RHD: variants seen among roughly 807,000 people sequenced by gnomAD.
RHD encodes blood group Rh(D) polypeptide.
A neutral mutation model predicts 45.5 loss-of-function variants in RHD; 16 were observed. That is an observed-to-expected ratio of 0.35 (90% CI 0.24 to 0.53). The LOEUF is 0.53. Ranked by LOEUF, RHD falls within the 20% of genes least tolerant of loss-of-function variation. The pLI is 0.92. For missense variants in RHD, 306 were observed against 532.0 expected (o/e 0.58, Z 4.18); for synonymous variants, 131 against 217.5 (o/e 0.60, Z 3.50).
chr1:25,307,706 G>A lies in RHD; in HGVS notation c.1073+977G>A, dbSNP rs549377943. 2.4e-5 allele frequency: 31 copies of A among 1,308,348 alleles called. 6 individuals are homozygous for A. The highest frequency in any genetic ancestry group is 1.5e-4 in the East Asian group (6 of 40,694). The allele number at this position is 1,308,348 out of a possible 1,614,324, so 81.0% of individuals were successfully genotyped here. A position where few individuals can be genotyped will look rare whatever the true frequency, so the allele number is the denominator to read the frequency against. On this transcript the variant is annotated intron_variant, in intron 7 of 9. Coordinates refer to ENST00000328664, the MANE Select transcript of RHD (RefSeq NM_016124.6). The stretch of plus-strand genomic sequence containing the variant: ...GAAGCAGGTGATGAGGAGCTGATGC[G>A]TTTGGACGTGTCTCAGAGAAATCAT...
intron 7 of RHD, among the ~76,000 whole-genome samples, chr1:25,312,944 A>AC (rs1644237195): frequency 2.7e-5 from 3 of 110,032 alleles, no homozygotes; most frequent in Non-Finnish European, 4.4e-5. Context: ...AAAAAAAAAA[A>AC]AAAAAAAAAA....
Position 25,328,944 on chromosome 1 carries a change from A to T in RHD, c.*20A>T. The T allele has an allele frequency of 7.6e-7, 1 of 1,321,890 alleles. No individual in the cohort carries two copies. The highest frequency in any genetic ancestry group is 1.1e-6 in the Non-Finnish European group (1 of 934,182). 81.9% of individuals were successfully genotyped at this position (1,321,890 alleles called of 1,614,324 possible). A position where few individuals can be genotyped will look rare whatever the true frequency, so the allele number is the denominator to read the frequency against. On this transcript the variant is annotated 3_prime_UTR_variant, in exon 10 of 10. Coordinates refer to ENST00000328664, the MANE Select transcript of RHD (RefSeq NM_016124.6). ...TTTTAAGCAAAAGCATCCAAGAAAA[A>T]CAAGGCCTGTTCAAAAACAAGACAA...
rs180842004 is a variant in RHD at position 25,275,269 on chromosome 1, C to T, written c.148+2574C>T. Among the ~76,000 whole-genome samples, 71 of 132,320 alleles carry T rather than the reference C, an allele frequency of 5.4e-4. 9 individuals are homozygous for T. Among genetic ancestry groups the T allele is most frequent in the African/African-American group, 1.8e-3 (70 of 38,874 alleles). The allele number at this position is 132,320 out of a possible 152,430, so 86.8% of individuals were successfully genotyped here. ...TGCCACTGCACTCCACCCTGGGTGA[C>T]AGAGTGGGACTCTGTCTGAAAAAAA... On this transcript the variant is annotated intron_variant, in intron 1 of 9. Transcript: ENST00000328664.
chr1:25,299,072 TAAA>T (rs34867414), intron 3 of RHD, among the ~76,000 whole-genome samples: 1 of 40,876 alleles, frequency 2.4e-5, no homozygotes, highest in African/African-American at 7.8e-5. Flanking sequence ...CACATGGTGA[TAAA>T]AAAAAAAAAA....
chr1:25,307,019 G>A, intron 7 of RHD: 3 of 372,608 alleles, frequency 8.1e-6, no homozygotes, highest in Non-Finnish European at 5.5e-6. Flanking sequence ...ATAGGCCCAA[G>A]CCAATTGAGA....
At chr1:25,274,727 C>A (rs1380797838) in intron 1 of RHD, among the ~76,000 whole-genome samples, 1 of 133,912 alleles carries the variant, frequency 7.5e-6, no homozygotes, top group Non-Finnish European at 1.8e-5. Flanking sequence ...AAACAAAGGG[C>A]CGGGCGACGT....
chr1:25,301,632 G>A lies in RHD; in HGVS notation c.747G>A (p.Val249=). 2 of 1,380,448 alleles carry A rather than the reference G, an allele frequency of 1.4e-6. No homozygotes were observed. Among genetic ancestry groups the A allele is most frequent in the African/African-American group, 1.4e-5 (1 of 70,778 alleles). The allele number at this position is 1,380,448 out of a possible 1,614,324, so 85.5% of individuals were successfully genotyped here. ...FNTYYAVAVS[V]VTAISGSSLA... ...CCTACTATGCTGTAGCAGTCAGCGTGGTGACAGCCATCTCAGGGTCATCCT... is the reference window on the plus strand; with the variant it reads ...CCTACTATGCTGTAGCAGTCAGCGTAGTGACAGCCATCTCAGGGTCATCCT... Residue 249 remains valine, a synonymous_variant, in exon 5 of 10, where the codon GTG becomes GTA. Transcript: ENST00000328664.
chr1:25,299,521 T>TA (rs1643218418), intron 3 of RHD, among the ~76,000 whole-genome samples: 1 of 131,650 alleles, frequency 7.6e-6, no homozygotes, highest in Middle Eastern at 3.7e-3. Context: ...CTGCCCTTGT[T>TA]ACACCCTGGC....
rs1571773957 is a variant in RHD at position 25,329,016 on chromosome 1, C to T, written c.*92C>T. ...ATTTGTACGTGAGAAACGCTCATGACAGCAAAGTCTCCAATGTTCGCGCAG... is the reference window on the plus strand; with the variant it reads ...ATTTGTACGTGAGAAACGCTCATGATAGCAAAGTCTCCAATGTTCGCGCAG... On this transcript the variant is annotated 3_prime_UTR_variant, in exon 10 of 10. Coordinates refer to ENST00000328664, the MANE Select transcript of RHD (RefSeq NM_016124.6). 1 of 1,377,786 alleles carries T rather than the reference C, an allele frequency of 7.3e-7. No homozygotes were observed. The highest frequency in any genetic ancestry group is 2.2e-5 in the East Asian group (1 of 44,588). The allele number at this position is 1,377,786 out of a possible 1,614,324, so 85.3% of individuals were successfully genotyped here.
chr1:25,324,761 C>T (rs1425290307), intron 9 of RHD, among the ~76,000 whole-genome samples: 1 of 149,102 alleles, frequency 6.7e-6, no homozygotes, highest in Non-Finnish European at 1.5e-5. Flanking sequence ...GTAAGTATGT[C>T]GCCCAGGTGC....
intron 3 of RHD, among the ~76,000 whole-genome samples, chr1:25,298,166 C>T (rs1643100576): frequency 8.8e-6 from 1 of 113,098 alleles, no homozygotes; most frequent in South Asian, 3.1e-4. Flanking sequence ...GGTCATTTTT[C>T]CACTCTGGTC....
chr1:25,275,085 T>C lies in RHD; in HGVS notation c.148+2390T>C, dbSNP rs750818201. ...CAGGCAGATCACCTGAGGTCAGGAG[T>C]TCGAGACCAGCCTGGCCAACATGGT... On this transcript the variant is annotated intron_variant, in intron 1 of 9. Coordinates refer to ENST00000328664, the MANE Select transcript of RHD (RefSeq NM_016124.6). Among the ~76,000 whole-genome samples, 5 of 130,872 alleles carry C rather than the reference T, an allele frequency of 3.8e-5. 1 individual carries two copies. The highest frequency in any genetic ancestry group is 9.0e-5 in the Non-Finnish European group (5 of 55,260). The allele number at this position is 130,872 out of a possible 152,430, so 85.9% of individuals were successfully genotyped here. A position where few individuals can be genotyped will look rare whatever the true frequency, so the allele number is the denominator to read the frequency against.
chr1:25,311,598 G>T (rs1265344310), intron 7 of RHD, among the ~76,000 whole-genome samples: 3 of 130,098 alleles, frequency 2.3e-5, no homozygotes, highest in African/African-American at 7.9e-5. Context: ...TCAGGACAAG[G>T]GAGAAAAACT....
In RHD at chr1:25,311,155, CAGAT is replaced by C. The variant is rs1440749005; in HGVS notation, c.1073+4430_1073+4433del. On this transcript the variant is annotated intron_variant, in intron 7 of 9. Coordinates refer to ENST00000328664, the MANE Select transcript of RHD (RefSeq NM_016124.6). ...GGTAAAGGCCATTCTGATGAGGTCTCAGATAGAACTGAAGAACCACGTGTTGGAA... is the reference window on the plus strand; with the variant it reads ...GGTAAAGGCCATTCTGATGAGGTCTCAGAACTGAAGAACCACGTGTTGGAA... Among the ~76,000 whole-genome samples the C allele has an allele frequency of 9.1e-5, 12 of 131,788 alleles. No homozygotes were observed. In the East Asian group the frequency reaches 2.3e-3, roughly 26 times the overall value. 86.5% of individuals were successfully genotyped at this position (131,788 alleles called of 152,430 possible).
intron 3 of RHD, among the ~76,000 whole-genome samples, chr1:25,299,414 G>A (rs1292138040): frequency 7.7e-6 from 1 of 130,336 alleles, no homozygotes; most frequent in African/African-American, 2.6e-5. Flanking sequence ...CAAATAAAAA[G>A]CAGACAGACT....
At chr1:25,308,818 TGA>T (rs1359651661) in intron 7 of RHD, among the ~76,000 whole-genome samples, 2 of 130,378 alleles carry the variant, frequency 1.5e-5, no homozygotes, top group Admixed American at 7.4e-5. Context: ...TTTGGTTTGC[TGA>T]GAGTAAAAGG....
chr1:25,292,660 G>T (rs28678457), intron 3 of RHD, among the ~76,000 whole-genome samples: 4,498 of 128,732 alleles, frequency 0.035, 426 homozygotes, highest in African/African-American at 0.11. Flanking sequence ...GGGGAGGGGG[G>T]GTAGAGATGT....
intron 7 of RHD, among the ~76,000 whole-genome samples, chr1:25,312,755 ATAAAAT>A (rs1644213666): frequency 8.5e-6 from 1 of 117,282 alleles, no homozygotes; most frequent in Admixed American, 8.4e-5. Context: ...GTCTCTACAA[ATAAAAT>A]TAAATAAACT....
Position 25,315,409 on chromosome 1 carries a change from G to A in RHD, c.1074-1591G>A, listed in dbSNP as rs1176605617. 3.9e-5 allele frequency among the ~76,000 whole-genome samples: 5 copies of A among 129,832 alleles called. 2 individuals are homozygous for A. Among genetic ancestry groups the A allele is most frequent in the South Asian group, 2.4e-4 (1 of 4,246 alleles). The allele number at this position is 129,832 out of a possible 152,430, so 85.2% of individuals were successfully genotyped here. On this transcript the variant is annotated intron_variant, in intron 7 of 9. Coordinates refer to ENST00000328664, the MANE Select transcript of RHD (RefSeq NM_016124.6). ...AGGGGGGATGGCTGCCTGAATGGTT[G>A]GGCAGGTAGTTGTTGACATCTGCAC...
Sources: allele counts gnomAD v4.1 joint callset (sites outside exome capture counted in the v4.1 genomes callset), GRCh38; gene constraint gnomAD v4.1.1; transcripts MANE v1.5; gene names NCBI Gene and HGNC (gene_info 2026-07-23, HGNC 2026-07-21).